Variants in PCDHA8 observed in about 807,000 individuals in gnomAD.
PCDHA8 encodes protocadherin alpha-8.
PCDHA8 carries 53 observed loss-of-function variants against 61.8 expected under a neutral mutation model. The observed-to-expected ratio is 0.86, with a 90% CI of 0.69 to 1.08. The LOEUF (loss-of-function observed/expected upper bound fraction) is 1.08. Among genes scored for constraint, PCDHA8 ranks in the 50% least tolerant of loss-of-function variants. PCDHA8 has a pLI of 0.00. For missense variants in PCDHA8, 1,293 were observed against 1,245.0 expected (o/e 1.04, Z -0.58); for synonymous variants, 618 against 556.6 (o/e 1.11, Z -1.55).
intron 1 of PCDHA8, chr5:140,857,881 G>T: frequency 6.3e-7 from 1 of 1,597,760 alleles, no homozygotes; most frequent in Non-Finnish European, 8.6e-7. Context: ...ATGAATTGCA[G>T]TCGGCGGCGG....
intron 1 of PCDHA8, chr5:140,856,704 C>CAGT (rs2150363917): frequency 6.3e-7 from 1 of 1,596,654 alleles, no homozygotes; most frequent in East Asian, 2.2e-5. Flanking sequence ...GGAGGCAAAC[C>CAGT]TGAATTTACC....
intron 1 of PCDHA8, among the ~76,000 whole-genome samples, chr5:140,893,581 T>C (rs1224207477): frequency 1.3e-5 from 2 of 152,216 alleles, no homozygotes; most frequent in African/African-American, 4.8e-5. Context: ...TTTTTGCTTG[T>C]TTGGGAAATA....
chr5:140,870,089 T>C (rs782364525), intron 1 of PCDHA8: 4 of 1,613,796 alleles, frequency 2.5e-6, no homozygotes, highest in Non-Finnish European at 3.4e-6. Flanking sequence ...ACTCCCCCAA[T>C]GGCAGGTCAC....
intron 1 of PCDHA8, chr5:140,968,479 C>T (rs2096250195): frequency 1.2e-6 from 2 of 1,614,010 alleles, no homozygotes; most frequent in South Asian, 2.2e-5. Flanking sequence ...ATGTGGTGGA[C>T]ATGAATGACC....
At chr5:140,943,349 T>C (rs1429038452) in intron 1 of PCDHA8, among the ~76,000 whole-genome samples, 1 of 147,572 alleles carries the variant, frequency 6.8e-6, no homozygotes, top group East Asian at 2.0e-4. Flanking sequence ...AGGATGAGAG[T>C]AGAGGAAAGG....
intron 3 of PCDHA8, among the ~76,000 whole-genome samples, chr5:140,983,060 A>G (rs1460099092): frequency 6.6e-6 from 1 of 152,120 alleles, no homozygotes; most frequent in Non-Finnish European, 1.5e-5. Flanking sequence ...TATCGGAACC[A>G]AGGCATTGTT....
intron 1 of PCDHA8, among the ~76,000 whole-genome samples, chr5:140,855,676 T>G (rs1325964352): frequency 1.3e-5 from 2 of 149,550 alleles, no homozygotes; most frequent in Non-Finnish European, 3.0e-5. Context: ...ACTCTGAGAG[T>G]CTACATTTAA....
chr5:140,922,049 T>G (rs1368623726), intron 1 of PCDHA8, among the ~76,000 whole-genome samples: 1 of 152,066 alleles, frequency 6.6e-6, no homozygotes, highest in African/African-American at 2.4e-5. Context: ...CCCACATACC[T>G]TCAAAATGTA....
intron 1 of PCDHA8, chr5:140,884,455 G>A: frequency 2.5e-6 from 4 of 1,613,784 alleles, no homozygotes; most frequent in Non-Finnish European, 3.4e-6. Flanking sequence ...CGCCCACCGA[G>A]GGCGCGTGCG....
chr5:140,999,614 A>G (rs572897182), intron 3 of PCDHA8, among the ~76,000 whole-genome samples: 1 of 152,302 alleles, frequency 6.6e-6, no homozygotes, highest in African/African-American at 2.4e-5. Flanking sequence ...GGACCTTATC[A>G]ACCAGGAAAC....
At chr5:140,908,049 G>A (rs563362239) in intron 1 of PCDHA8, among the ~76,000 whole-genome samples, 19 of 152,210 alleles carry the variant, frequency 1.2e-4, no homozygotes, top group Admixed American at 1.0e-3. Flanking sequence ...TTGCACATCC[G>A]GCCATTTCTC....
chr5:140,883,642 C>G (rs200197885), intron 1 of PCDHA8: 55 of 1,613,904 alleles, frequency 3.4e-5, no homozygotes, highest in East Asian at 2.0e-4. Flanking sequence ...TCGCGCAGCC[C>G]GAGTACACGG....
At chr5:140,890,596 C>T (rs1236261988) in intron 1 of PCDHA8, among the ~76,000 whole-genome samples, 5 of 152,064 alleles carry the variant, frequency 3.3e-5, no homozygotes, top group African/African-American at 1.2e-4. Context: ...AGCCCTTTTC[C>T]GAATAGCTAG....
At chr5:140,879,084 G>T (rs927310887) in intron 1 of PCDHA8, among the ~76,000 whole-genome samples, 1 of 152,174 alleles carries the variant, frequency 6.6e-6, no homozygotes, top group Non-Finnish European at 1.5e-5. Flanking sequence ...AGATAAGTAG[G>T]AACAACTGCA....
At chr5:140,891,330 T>G (rs995602420) in intron 1 of PCDHA8, among the ~76,000 whole-genome samples, 14 of 152,108 alleles carry the variant, frequency 9.2e-5, no homozygotes, top group Non-Finnish European at 1.9e-4. Flanking sequence ...TGGTGGTGAT[T>G]TGTGAGATTT....
At chr5:140,876,510 T>C in intron 1 of PCDHA8, 1 of 1,614,038 alleles carries the variant, frequency 6.2e-7, no homozygotes, top group Non-Finnish European at 8.5e-7. Flanking sequence ...TGAATGACAA[T>C]GTCCCTGAAG....
chr5:140,896,959 T>C (rs1486927062), intron 1 of PCDHA8, among the ~76,000 whole-genome samples: 1 of 152,204 alleles, frequency 6.6e-6, no homozygotes, highest in Non-Finnish European at 1.5e-5. Context: ...CCTTAAACAT[T>C]TATTCTTTGC....
intron 3 of PCDHA8, among the ~76,000 whole-genome samples, chr5:141,005,544 A>G (rs1197838847): frequency 6.6e-6 from 1 of 151,492 alleles, no homozygotes; most frequent in Non-Finnish European, 1.5e-5. Flanking sequence ...TCTACTAAAA[A>G]TACAAAAATT....
intron 1 of PCDHA8, chr5:140,850,431 C>G: frequency 6.3e-7 from 1 of 1,597,912 alleles, no homozygotes; most frequent in Non-Finnish European, 8.6e-7. Flanking sequence ...ACCGCGCCAG[C>G]GCCTACTGGT....
Sources: gnomAD v4.1 joint callset for allele counts (sites outside exome capture counted in the v4.1 genomes callset) on GRCh38, gnomAD v4.1.1 for gene constraint, MANE v1.5 for transcripts, NCBI Gene and HGNC (gene_info 2026-07-23, HGNC 2026-07-21) for gene names.